CD163L1: variants seen among roughly 807,000 people sequenced by gnomAD.
CD163L1 encodes CD163 molecule like 1, also known as scavenger receptor cysteine-rich type 1 protein M160.
In CD163L1, 124 loss-of-function variants were observed where a neutral mutation model predicts 165.4. The ratio of observed to expected loss-of-function variants is 0.75; its 90% CI spans 0.65 to 0.87. The LOEUF (loss-of-function observed/expected upper bound fraction) is 0.87, where lower values mean the gene tolerates loss of function less well. CD163L1 is among the 40% of genes least tolerant of loss of function. The probability of loss-of-function intolerance (pLI) is 0.00; values close to 1 mark genes in which losing one functional copy is unlikely to be tolerated. For synonymous variants in CD163L1, 585 were observed against 662.2 expected, an observed-to-expected ratio of 0.88 and a Z score of 1.79; for missense variants, 1,525 against 1,799.9, an observed-to-expected ratio of 0.85 and a Z score of 2.76.
chr12:7,353,899 C>T (rs1946728149), downstream of CD163L1, among the ~76,000 whole-genome samples: 1 of 151,910 alleles, frequency 6.6e-6, no homozygotes, highest in African/African-American at 2.4e-5. Context: ...TATTAATTGG[C>T]TAGGATTAAA....
chr12:7,357,528 C>T, intron 18 of CD163L1, 42 bp from the exon 19 acceptor site: 1 of 1,564,620 alleles, frequency 6.4e-7, no homozygotes. Flanking sequence ...TAGTAGAAAA[C>T]CTCTCTGCAG....
At chr12:7,426,539 A>G (rs1464642411) in intron 4 of CD163L1, among the ~76,000 whole-genome samples, 2 of 152,100 alleles carry the variant, frequency 1.3e-5, no homozygotes, top group East Asian at 3.8e-4. Context: ...AAAACTACAC[A>G]TTGGATACAG....
At chr12:7,321,233 C>T in the CD163L1 span, among the ~76,000 whole-genome samples, 1 of 152,024 alleles carries the variant, frequency 6.6e-6, no homozygotes, top group East Asian at 1.9e-4. Flanking sequence ...ATTTAGAACT[C>T]AAAAAAGAAA....
chr12:7,328,657 G>A, the CD163L1 span: 3 of 194,424 alleles, frequency 1.5e-5, no homozygotes, highest in Non-Finnish European at 3.2e-5. Context: ...GAACAAGAAA[G>A]TGCACATTGA....
chr12:7,373,711 A>T (rs986491959), intron 13 of CD163L1, 71 bp from the exon 14 acceptor site: 2 of 1,329,908 alleles, frequency 1.5e-6, no homozygotes, highest in African/African-American at 3.0e-5. Context: ...CAAGGAATCC[A>T]TTTTTCCCAT....
chr12:7,426,657 G>A (rs1486750988), intron 4 of CD163L1, among the ~76,000 whole-genome samples: 2 of 152,090 alleles, frequency 1.3e-5, no homozygotes, highest in East Asian at 3.9e-4. Flanking sequence ...GTTGATAGGT[G>A]CAGCAAACCG....
intron 4 of CD163L1, among the ~76,000 whole-genome samples, chr12:7,410,512 G>C (rs1948115671): frequency 6.6e-6 from 1 of 151,906 alleles, no homozygotes; most frequent in Non-Finnish European, 1.5e-5. Context: ...GCTGAGGCAG[G>C]AGGATCGCTT....
chr12:7,407,531 C>G (rs1948049830), intron 4 of CD163L1, among the ~76,000 whole-genome samples: 1 of 151,452 alleles, frequency 6.6e-6, no homozygotes, highest in African/African-American at 2.4e-5. Context: ...TTCCTTACTT[C>G]TTTACATCAC....
chr12:7,382,464 G>C (rs1047005012), intron 8 of CD163L1, among the ~76,000 whole-genome samples: 22 of 152,212 alleles, frequency 1.4e-4, no homozygotes, highest in Non-Finnish European at 2.4e-4. Context: ...GAGGCACAGA[G>C]AGAGAAAGAA....
rs7971402 is a variant in CD163L1, at chr12:7,368,435, G to A, written c.4073-238C>T. Among the ~76,000 whole-genome samples the A allele has an allele frequency of 0.067, 10,227 of 151,974 alleles. 663 individuals carry two copies. The highest frequency in any genetic ancestry group is 0.17 in the African/African-American group (6,908 of 41,460). ...CTAAATTACTTCCAATTTTATACAA[G>A]AGATTTGATAACTAAACCTTTCCTC... On this transcript the variant is annotated intron_variant, in intron 16 of 19. Transcript: ENST00000313599. This position sits in a 1 kb window ranked among gnomAD's most constrained non-coding sequence, Gnocchi z 4.3.
intron 6 of CD163L1, among the ~76,000 whole-genome samples, chr12:7,402,391 T>TG (rs1371527644): frequency 1.3e-5 from 2 of 152,062 alleles, no homozygotes; most frequent in African/African-American, 2.4e-5. Flanking sequence ...GTGTGTTTCA[T>TG]TTACAAGAAC....
At position 7,403,850 on chromosome 12, in the gene CD163L1, C is replaced by T; in HGVS notation, c.1093G>A (p.Ala365Thr). The change falls in exon 6 of 20, where the codon GCA becomes ACA. Residue 365 changes from alanine (A) to threonine (T), a missense_variant. Ala to Thr is a moderately conservative substitution (Grantham distance 58, BLOSUM62 0). Coordinates refer to ENST00000313599, the MANE Select transcript of CD163L1 (RefSeq NM_174941.6). ...NDVSVICSDG[A>T]DLELRLADGS... ...TCTGCTAGTCGCAGTTCCAAATCTGCTCCATCTAGGATGAAGTCACAGAGA... is the reference window on the plus strand; with the variant it reads ...TCTGCTAGTCGCAGTTCCAAATCTGTTCCATCTAGGATGAAGTCACAGAGA... 1.9e-6 allele frequency: 3 copies of T among 1,612,662 alleles called. No homozygotes were observed. Among genetic ancestry groups the T allele is most frequent in the Non-Finnish European group, 2.5e-6 (3 of 1,179,348 alleles).
downstream of CD163L1, among the ~76,000 whole-genome samples, chr12:7,351,596 G>A (rs1946706966): frequency 1.3e-5 from 2 of 152,140 alleles, no homozygotes; most frequent in African/African-American, 4.8e-5. Flanking sequence ...AGCCACAGCA[G>A]AGGTTAGGGA....
intron 2 of CD163L1, among the ~76,000 whole-genome samples, chr12:7,436,976 A>C (rs1168657664): frequency 6.6e-6 from 1 of 151,080 alleles, no homozygotes; most frequent in Non-Finnish European, 1.5e-5. Flanking sequence ...ATAAAATAAA[A>C]ATGTTAAAGA....
Position 7,368,225 on chromosome 12 carries a change from A to G in CD163L1, c.4073-28T>C, listed in dbSNP as rs760367421. 2 of 1,263,024 alleles carry G rather than the reference A, an allele frequency of 1.6e-6. No individual in the cohort carries two copies. The highest frequency in any genetic ancestry group is 1.9e-4 in the Middle Eastern group (1 of 5,262). 78.2% of individuals were successfully genotyped at this position (1,263,024 alleles called of 1,614,324 possible). A position where few individuals can be genotyped will look rare whatever the true frequency, so the allele number is the denominator to read the frequency against. ...GTATAGAAATTAAGCATTGATAAGT[A>G]TTAAACTAGTAGATATCAATTGTGG... On this transcript the variant is annotated intron_variant, in intron 16 of 19. Coordinates refer to ENST00000313599, the MANE Select transcript of CD163L1 (RefSeq NM_174941.6). The surrounding 1 kb of genome is among the most constrained non-coding windows in gnomAD (Gnocchi z 4.3).
chr12:7,407,565 T>C (rs116397831), intron 4 of CD163L1, among the ~76,000 whole-genome samples: 2 of 151,400 alleles, frequency 1.3e-5, no homozygotes, highest in Middle Eastern at 3.4e-3. Context: ...CCACTACGTA[T>C]ATGTATCATA....
intron 4 of CD163L1, among the ~76,000 whole-genome samples, chr12:7,416,453 T>C (rs752564788): frequency 3.1e-4 from 47 of 152,370 alleles, no homozygotes; most frequent in African/African-American, 1.0e-3. Flanking sequence ...TTGGCTTTTG[T>C]TGCCATTGCT....
chr12:7,319,491 T>TGAGGCAGAGAATTGCTTGAATCTGG, the CD163L1 span, among the ~76,000 whole-genome samples: 2 of 150,602 alleles, frequency 1.3e-5, no homozygotes, highest in Non-Finnish European at 2.9e-5. Context: ...CTTGGGAGGC[T>TGAGGCAGAGAATTGCTTGAATCTGG]GAGGCAGAGA....
intron 8 of CD163L1, among the ~76,000 whole-genome samples, chr12:7,379,854 G>T (rs1270148930): frequency 6.7e-6 from 1 of 149,148 alleles, no homozygotes; most frequent in East Asian, 2.0e-4. Flanking sequence ...TATGTGAGAA[G>T]AGGAGTAGGT....
Sources: allele counts gnomAD v4.1 joint callset (sites outside exome capture counted in the v4.1 genomes callset), GRCh38; gene constraint gnomAD v4.1.1; non-coding constraint Gnocchi (gnomAD v3.1); transcripts MANE v1.5; gene names NCBI Gene and HGNC (gene_info 2026-07-23, HGNC 2026-07-21).